DAB1: variants seen among roughly 807,000 people sequenced by gnomAD.
DAB1 encodes disabled homolog 1.
Under a neutral mutation model 64.6 loss-of-function variants are expected in DAB1, and 15 were observed. The observed-to-expected ratio is 0.23, with a 90% CI of 0.16 to 0.36. DAB1 has a LOEUF of 0.36. Ranked by LOEUF, DAB1 falls within the 10% of genes least tolerant of loss-of-function variation. DAB1 has a pLI of 1.00. For synonymous variants in DAB1, 235 were observed against 251.9 expected, an observed-to-expected ratio of 0.93 and a Z score of 0.64; for missense variants, 596 against 706.7, an observed-to-expected ratio of 0.84 and a Z score of 1.78.
intron 3 of DAB1, among the ~76,000 whole-genome samples, chr1:58,385,993 C>T (rs555185389): frequency 6.6e-6 from 1 of 152,290 alleles, no homozygotes; most frequent in African/African-American, 2.4e-5. Flanking sequence ...GGGAAAGGCA[C>T]TTTCTTCACA....
intron 6 of DAB1, among the ~76,000 whole-genome samples, chr1:57,673,004 A>C (rs954847720): frequency 1.3e-5 from 2 of 152,176 alleles, no homozygotes; most frequent in African/African-American, 4.8e-5. Context: ...TGTGTGTCAT[A>C]GTTAATTTGG....
rs561455146 is a variant in DAB1, at chr1:57,464,914, C to T, written n.626-173748G>A. 2.4e-4 allele frequency among the ~76,000 whole-genome samples: 36 copies of T among 150,932 alleles called. No homozygotes were observed. The South Asian group carries it at 7.5e-3, about 32-fold the overall frequency. ...TTTCTGTGAACCACTGTACAATAAT[C>T]AATTCCAGAGATAACAAAGGCGTTT... On this transcript the variant is annotated intron_variant and non_coding_transcript_variant, in intron 7 of 20. Transcript: ENST00000485760.
At chr1:58,299,413 C>T (rs530657661) in intron 4 of DAB1, among the ~76,000 whole-genome samples, 4 of 152,144 alleles carry the variant, frequency 2.6e-5, no homozygotes, top group East Asian at 1.9e-4. Context: ...GTGGAAGGAA[C>T]GTATTAGAAC....
chr1:57,696,942 C>G (rs539015761), intron 6 of DAB1, among the ~76,000 whole-genome samples: 1 of 152,186 alleles, frequency 6.6e-6, no homozygotes, highest in East Asian at 1.9e-4. Context: ...CAGGTATAGA[C>G]GAGTAGCAAT....
intron 3 of DAB1, among the ~76,000 whole-genome samples, chr1:58,484,045 T>C (rs1371205383): frequency 2.6e-5 from 4 of 152,206 alleles, no homozygotes; most frequent in African/African-American, 7.2e-5. Flanking sequence ...AAGATCTTTG[T>C]GTATTCAGTA....
intron 6 of DAB1, among the ~76,000 whole-genome samples, chr1:57,771,437 A>T (rs770196519): frequency 6.6e-6 from 1 of 152,130 alleles, no homozygotes; most frequent in Non-Finnish European, 1.5e-5. Context: ...GGCTATTTGT[A>T]GTAGAGTGTG....
intron 4 of DAB1, among the ~76,000 whole-genome samples, chr1:58,332,973 C>T (rs1466745201): frequency 6.6e-6 from 1 of 152,138 alleles, no homozygotes; most frequent in Non-Finnish European, 1.5e-5. Context: ...TGCAATGGCA[C>T]AGTCTCGGCT....
At chr1:57,485,573 T>A (rs2101256140) in intron 7 of DAB1, among the ~76,000 whole-genome samples, 1 of 152,306 alleles carries the variant, frequency 6.6e-6, no homozygotes, top group South Asian at 2.1e-4. Context: ...ATGATATGAT[T>A]AGAACCACAG....
intron 5 of DAB1, among the ~76,000 whole-genome samples, chr1:58,117,429 C>T (rs1188402638): frequency 6.6e-6 from 1 of 152,158 alleles, no homozygotes; most frequent in East Asian, 1.9e-4. Context: ...CAGGACTGAC[C>T]TAATTCCATC....
At chr1:57,025,051 G>A (rs1646740539) in intron 10 of DAB1, among the ~76,000 whole-genome samples, 1 of 152,162 alleles carries the variant, frequency 6.6e-6, no homozygotes, top group Non-Finnish European at 1.5e-5. Context: ...TCTTGCCAAT[G>A]AACCATAGCA....
At chr1:57,820,051 G>A (rs775532449) in intron 6 of DAB1, among the ~76,000 whole-genome samples, 2 of 152,080 alleles carry the variant, frequency 1.3e-5, no homozygotes, top group African/African-American at 2.4e-5. Context: ...CAGAGCAGCC[G>A]TGCAAAGTAC....
intron 5 of DAB1, among the ~76,000 whole-genome samples, chr1:57,948,044 C>T (rs1372827230): frequency 6.6e-6 from 1 of 152,104 alleles, no homozygotes; most frequent in Admixed American, 6.5e-5. Context: ...GCCCCTTGAC[C>T]TGGGGTCCCT....
At chr1:57,778,631 T>G (rs542389587) in intron 6 of DAB1, among the ~76,000 whole-genome samples, 1 of 152,242 alleles carries the variant, frequency 6.6e-6, no homozygotes, top group African/African-American at 2.4e-5. Context: ...GAGCTGTTCT[T>G]TAATTCAAAA....
intron 2 of DAB1, among the ~76,000 whole-genome samples, chr1:57,165,294 C>A (rs926078839): frequency 2.6e-5 from 4 of 151,962 alleles, no homozygotes; most frequent in Non-Finnish European, 5.9e-5. Context: ...ACCTACACAG[C>A]CTTGCTAATT....
At chr1:58,421,824 A>G (rs1306404805) in intron 3 of DAB1, among the ~76,000 whole-genome samples, 1 of 152,162 alleles carries the variant, frequency 6.6e-6, no homozygotes, top group Non-Finnish European at 1.5e-5. Flanking sequence ...TCAGATTTGA[A>G]GGGCTGTCAT....
chr1:57,266,850 A>C (rs1670625377), intron 2 of DAB1, among the ~76,000 whole-genome samples: 1 of 152,210 alleles, frequency 6.6e-6, no homozygotes, highest in Non-Finnish European at 1.5e-5. Context: ...GTAGGTTCAT[A>C]TAATTCTATC....
intron 4 of DAB1, among the ~76,000 whole-genome samples, chr1:58,212,404 G>A (rs776920253): frequency 3.9e-5 from 6 of 152,156 alleles, no homozygotes; most frequent in East Asian, 1.9e-4. Context: ...AGTTAGAGTC[G>A]AGTGAGGAAT....
intron 4 of DAB1, among the ~76,000 whole-genome samples, chr1:58,200,146 T>G (rs574607610): frequency 6.6e-6 from 1 of 152,198 alleles, no homozygotes; most frequent in South Asian, 2.1e-4. Flanking sequence ...CCTGACACAT[T>G]TGAAAAGTAT....
At chr1:58,168,850 T>C (rs900620038) in intron 4 of DAB1, among the ~76,000 whole-genome samples, 4 of 152,154 alleles carry the variant, frequency 2.6e-5, no homozygotes, top group Non-Finnish European at 5.9e-5. Context: ...AAAGTCCCAA[T>C]ACTAACATGA....
Sources: gnomAD v4.1 joint callset for allele counts (sites outside exome capture counted in the v4.1 genomes callset) on GRCh38, gnomAD v4.1.1 for gene constraint, MANE v1.5 for transcripts, NCBI Gene and HGNC (gene_info 2026-07-23, HGNC 2026-07-21) for gene names.